The following KCNJ3 variants were observed in gnomAD, a reference collection of about 807,000 sequenced individuals.
KCNJ3 encodes the protein G protein-activated inward rectifier potassium channel 1.
A neutral mutation model predicts 39.2 loss-of-function variants in KCNJ3; 4 were observed. The observed-to-expected ratio is 0.10, with a 90% CI of 0.05 to 0.23. The LOEUF (loss-of-function observed/expected upper bound fraction) is 0.23. KCNJ3 is among the 10% of genes least tolerant of loss of function. KCNJ3 has a pLI of 1.00. For synonymous variants in KCNJ3, 230 were observed against 237.4 expected (o/e 0.97, Z 0.29); for missense variants, 276 against 634.9 (o/e 0.43, Z 6.08).
chr2:154,698,754 A>T lies in KCNJ3; in HGVS notation c.-22A>T. 2 of 1,510,304 alleles carry T rather than the reference A, an allele frequency of 1.3e-6. No homozygotes were observed. Among genetic ancestry groups the T allele is most frequent in the Non-Finnish European group, 1.8e-6 (2 of 1,107,322 alleles). 93.6% of individuals were successfully genotyped at this position (1,510,304 alleles called of 1,614,324 possible). A position where few individuals can be genotyped will look rare whatever the true frequency, so the allele number is the denominator to read the frequency against. On this transcript the variant is annotated 5_prime_UTR_variant, in exon 1 of 3. Transcript: ENST00000295101. ...TCCTGCGCCTTCGCTTCGCGTTTGAATCTGGCTCGCCCCTTCGTATTATGT... is the reference window on the plus strand; with the variant it reads ...TCCTGCGCCTTCGCTTCGCGTTTGATTCTGGCTCGCCCCTTCGTATTATGT...
At chr2:154,724,363 A>G (rs1300885350) in intron 2 of KCNJ3, among the ~76,000 whole-genome samples, 1 of 152,130 alleles carries the variant, frequency 6.6e-6, no homozygotes, top group African/African-American at 2.4e-5. Flanking sequence ...CTATTATTAG[A>G]ATATCTTAGT....
At chr2:154,783,402 A>G (rs1686474234) in intron 2 of KCNJ3, among the ~76,000 whole-genome samples, 1 of 152,296 alleles carries the variant, frequency 6.6e-6, no homozygotes, top group Non-Finnish European at 1.5e-5. Flanking sequence ...ACAAGACAGA[A>G]ACAAGGAGAC....
intron 2 of KCNJ3, among the ~76,000 whole-genome samples, chr2:154,785,905 G>A (rs369248884): frequency 6.6e-6 from 1 of 152,218 alleles, no homozygotes; most frequent in East Asian, 1.9e-4. Context: ...GACATACTGG[G>A]GGTCAGGGCT....
Position 154,816,608 on chromosome 2 carries a change from A to G in KCNJ3, c.920-38119A>G, listed in dbSNP as rs191267731. On this transcript the variant is annotated intron_variant, in intron 2 of 2. Transcript: ENST00000295101. ...AAAAGTTATACATATGGTGTTTAAT[A>G]CATACAAATAATTATATATTGGTAG... is the stretch of plus-strand genomic sequence containing the variant. Among the ~76,000 whole-genome samples, 54 of 152,332 alleles carry G rather than the reference A, an allele frequency of 3.5e-4. 1 individual carries two copies. Among genetic ancestry groups the G allele is most frequent in the African/African-American group, 1.2e-3 (51 of 41,584 alleles).
intron 2 of KCNJ3, among the ~76,000 whole-genome samples, chr2:154,740,557 T>A (rs1558861427): frequency 1.3e-5 from 2 of 151,970 alleles, no homozygotes; most frequent in African/African-American, 4.8e-5. Flanking sequence ...TTAGCATCTG[T>A]CCCCTTGGCA....
intron 2 of KCNJ3, among the ~76,000 whole-genome samples, chr2:154,818,891 T>C (rs969354619): frequency 2.2e-5 from 3 of 139,182 alleles, no homozygotes; most frequent in Admixed American, 7.6e-5. Flanking sequence ...AGAAATCCAA[T>C]AGAGCTTGAG....
At chr2:154,762,436 C>T (rs1686061720) in intron 2 of KCNJ3, among the ~76,000 whole-genome samples, 1 of 152,098 alleles carries the variant, frequency 6.6e-6, no homozygotes, top group Admixed American at 6.6e-5. Context: ...ACACAGGCCC[C>T]TGGAGAGTGG....
At chr2:154,709,976 C>G in intron 2 of KCNJ3, 157 bp downstream of exon 2, 1 of 888,564 alleles carries the variant, frequency 1.1e-6, no homozygotes, top group Non-Finnish European at 1.7e-6. Context: ...AAATTGATAC[C>G]ATTTTGAAAA....
At chr2:154,805,360 C>T (rs993105544) in intron 2 of KCNJ3, among the ~76,000 whole-genome samples, 6 of 152,024 alleles carry the variant, frequency 3.9e-5, no homozygotes, top group African/African-American at 1.2e-4. Context: ...AGTAGAAGAA[C>T]GCCGGGCTGA....
In KCNJ3 at chr2:154,760,167, T is replaced by G. The variant is rs564225051; in HGVS notation, c.919+50348T>G. Reference sequence around the variant, plus strand: ...CCTGGTGTTATTAAATCTTTAAAATTTTGGGCCAGCTGTATTACTGTGAAA... The same window carrying G: ...CCTGGTGTTATTAAATCTTTAAAATGTTGGGCCAGCTGTATTACTGTGAAA... On this transcript the variant is annotated intron_variant, in intron 2 of 2. Transcript: ENST00000295101. Among the ~76,000 whole-genome samples, 3 of 152,314 alleles carry G rather than the reference T, an allele frequency of 2.0e-5. No individual in the cohort carries two copies. In the South Asian group the frequency reaches 6.2e-4, roughly 32 times the overall value.
chr2:154,821,729 C>T (rs998756413), intron 2 of KCNJ3, among the ~76,000 whole-genome samples: 3 of 136,530 alleles, frequency 2.2e-5, no homozygotes, highest in South Asian at 2.3e-4. Flanking sequence ...GCAACTTTGC[C>T]TCCCTCGTTC....
At chr2:154,778,450 C>T (rs1574459067) in intron 2 of KCNJ3, among the ~76,000 whole-genome samples, 1 of 152,090 alleles carries the variant, frequency 6.6e-6, no homozygotes, top group Non-Finnish European at 1.5e-5. Context: ...TAATTTCTGT[C>T]TAGTAAACCA....
intron 2 of KCNJ3, among the ~76,000 whole-genome samples, chr2:154,751,645 ATTTATTTCTAT>A (rs1468541241): frequency 1.3e-5 from 2 of 152,086 alleles, no homozygotes; most frequent in African/African-American, 4.8e-5. Flanking sequence ...GAAAGGTTTT[ATTTATTTCTAT>A]TATAGTAGTT....
At chr2:154,784,603 G>A (rs558487280) in intron 2 of KCNJ3, among the ~76,000 whole-genome samples, 2 of 152,170 alleles carry the variant, frequency 1.3e-5, no homozygotes, top group East Asian at 1.9e-4. Context: ...GGCTGGTCTC[G>A]AACTCCTGAT....
Position 154,749,166 on chromosome 2 carries a change from A to T in KCNJ3, c.919+39347A>T, listed in dbSNP as rs565079089. On this transcript the variant is annotated intron_variant, in intron 2 of 2. Coordinates refer to ENST00000295101, the MANE Select transcript of KCNJ3 (RefSeq NM_002239.4). Reference sequence around the variant, plus strand: ...TATAGAAGCCATTAATTTGTTATAAATTATCATTTAGAAATTTAGCCACTG... The same window carrying T: ...TATAGAAGCCATTAATTTGTTATAATTTATCATTTAGAAATTTAGCCACTG... Among the ~76,000 whole-genome samples, 10 of 152,236 alleles carry T rather than the reference A, an allele frequency of 6.6e-5. No homozygotes were observed. In the East Asian group the frequency reaches 1.9e-3, roughly 29 times the overall value.
intron 2 of KCNJ3, among the ~76,000 whole-genome samples, chr2:154,757,535 T>C (rs1480832083): frequency 6.6e-6 from 1 of 152,180 alleles, no homozygotes; most frequent in Non-Finnish European, 1.5e-5. Flanking sequence ...CTCCACGAGA[T>C]CTTATTATGT....
At chr2:154,771,904 T>C (rs1686248637) in intron 2 of KCNJ3, among the ~76,000 whole-genome samples, 1 of 152,188 alleles carries the variant, frequency 6.6e-6, no homozygotes, top group Non-Finnish European at 1.5e-5. Context: ...AGTACAATAG[T>C]GGTGGCTTCA....
At chr2:154,778,044 G>T (rs139836514) in intron 2 of KCNJ3, among the ~76,000 whole-genome samples, 1 of 152,132 alleles carries the variant, frequency 6.6e-6, no homozygotes, top group African/African-American at 2.4e-5. Context: ...TCTTCACAAA[G>T]GAGAGTAACA....
At chr2:154,841,047 T>A (rs1687566280) in intron 2 of KCNJ3, among the ~76,000 whole-genome samples, 1 of 152,198 alleles carries the variant, frequency 6.6e-6, no homozygotes, top group Admixed American at 6.5e-5. Flanking sequence ...TTTTGCCCAT[T>A]TAGTATGATA....
Sources: allele counts gnomAD v4.1 joint callset (sites outside exome capture counted in the v4.1 genomes callset), GRCh38; gene constraint gnomAD v4.1.1; transcripts MANE v1.5; gene names NCBI Gene and HGNC (gene_info 2026-07-23, HGNC 2026-07-21).